Variants in NBEA observed in about 807,000 individuals in gnomAD.
NBEA encodes the protein neurobeachin.
Under a neutral mutation model 343.4 loss-of-function variants are expected in NBEA, and 44 were observed. The observed-to-expected ratio is 0.13, with a 90% confidence interval of 0.10 to 0.16. The LOEUF (loss-of-function observed/expected upper bound fraction) is 0.16. Among genes scored for constraint, NBEA ranks in the 10% least tolerant of loss-of-function variants. NBEA has a pLI of 1.00. For missense variants in NBEA, 2,555 were observed against 3,631.3 expected (o/e 0.70, Z 7.62); for synonymous variants, 1,175 against 1,238.7 (o/e 0.95, Z 1.08).
intron 41 of NBEA, among the ~76,000 whole-genome samples, chr13:35,507,440 G>A (rs567469999): frequency 6.6e-5 from 10 of 151,886 alleles, no homozygotes; most frequent in African/African-American, 2.4e-4. Flanking sequence ...ATATTCAAAT[G>A]CCTACCTGGC....
chr13:35,531,301 A>G (rs915380746), intron 41 of NBEA, among the ~76,000 whole-genome samples: 3 of 152,212 alleles, frequency 2.0e-5, no homozygotes, highest in Admixed American at 6.5e-5. Flanking sequence ...TAGTCTTCCT[A>G]CTATCATAGT....
intron 28 of NBEA, among the ~76,000 whole-genome samples, chr13:35,179,392 T>C (rs1275835177): frequency 6.6e-6 from 1 of 151,586 alleles, no homozygotes; most frequent in Non-Finnish European, 1.5e-5. Context: ...GTCTTCTCAG[T>C]AATAAAATAC....
intron 27 of NBEA, among the ~76,000 whole-genome samples, chr13:35,176,332 C>T (rs1296527115): frequency 1.3e-5 from 2 of 152,004 alleles, no homozygotes; most frequent in Non-Finnish European, 2.9e-5. Flanking sequence ...TTGCATTATA[C>T]ATATTATCTA....
At chr13:35,032,270 G>A (rs936564289) in intron 1 of NBEA, among the ~76,000 whole-genome samples, 14 of 151,792 alleles carry the variant, frequency 9.2e-5, no homozygotes, top group African/African-American at 3.1e-4. Flanking sequence ...CCCACCAACA[G>A]CACATAAGTG....
intron 10 of NBEA, among the ~76,000 whole-genome samples, chr13:35,081,303 T>G (rs532516027): frequency 2.6e-5 from 4 of 152,180 alleles, no homozygotes; most frequent in Non-Finnish European, 4.4e-5. Context: ...GTATTTGTGG[T>G]GAAAATATTG....
intron 33 of NBEA, among the ~76,000 whole-genome samples, chr13:35,230,179 T>C (rs944156940): frequency 6.6e-6 from 1 of 152,100 alleles, no homozygotes; most frequent in African/African-American, 2.4e-5. Flanking sequence ...TCTATTACCC[T>C]TTAGTCAAGA....
At chr13:35,090,059 A>AT (rs1411413746) in intron 10 of NBEA, among the ~76,000 whole-genome samples, 29 of 147,168 alleles carry the variant, frequency 2.0e-4, no homozygotes, top group African/African-American at 5.5e-4. Context: ...TTAAAGTATA[A>AT]TAAAATAAAT....
chr13:35,455,498 A>G (rs1236941135), intron 40 of NBEA, among the ~76,000 whole-genome samples: 1 of 151,910 alleles, frequency 6.6e-6, no homozygotes, highest in Non-Finnish European at 1.5e-5. Context: ...TGATGCTGCT[A>G]TTATAGATTT....
chr13:35,311,028 T>C (rs1401839293), intron 36 of NBEA, among the ~76,000 whole-genome samples: 1 of 152,154 alleles, frequency 6.6e-6, no homozygotes, highest in Non-Finnish European at 1.5e-5. Context: ...CTAATCATGT[T>C]AGCCAGTAGT....
intron 1 of NBEA, among the ~76,000 whole-genome samples, chr13:34,952,034 CT>C (rs2059365491): frequency 6.6e-6 from 1 of 152,090 alleles, no homozygotes; most frequent in African/African-American, 2.4e-5. Flanking sequence ...GATACCATTC[CT>C]GCTTTACATA....
intron 55 of NBEA, among the ~76,000 whole-genome samples, chr13:35,664,433 A>G (rs988266438): frequency 7.9e-5 from 12 of 152,240 alleles, no homozygotes; most frequent in Admixed American, 3.9e-4. Flanking sequence ...CGCAAACAGA[A>G]CAACCTATAT....
chr13:35,335,360 T>C lies in NBEA; in HGVS notation c.5904-13748T>C, dbSNP rs148853203. 5.0e-3 allele frequency among the ~76,000 whole-genome samples: 754 copies of C among 152,296 alleles called. 8 individuals are homozygous for C. The highest frequency in any genetic ancestry group is 0.017 in the African/African-American group (704 of 41,580). On this transcript the variant is annotated intron_variant, in intron 36 of 58. Transcript: ENST00000379939. The stretch of plus-strand genomic sequence containing the variant: ...ATTCCATGTAAATTTGACCATTGGC[T>C]TTTTTCTATTTCTGTGAAGAATGTC...
At chr13:35,066,668 A>G (rs556824210) in intron 8 of NBEA, among the ~76,000 whole-genome samples, 2 of 151,490 alleles carry the variant, frequency 1.3e-5, no homozygotes, top group South Asian at 4.2e-4. Context: ...ATATGTTTTT[A>G]TCTTTGAATA....
chr13:35,469,262 T>A (rs944460781), intron 40 of NBEA, among the ~76,000 whole-genome samples: 6 of 152,164 alleles, frequency 3.9e-5, no homozygotes, highest in African/African-American at 9.7e-5. Context: ...GTTTCTTTTT[T>A]AATATAAAAT....
At chr13:34,976,369 C>A (rs2060174615) in intron 1 of NBEA, among the ~76,000 whole-genome samples, 1 of 152,040 alleles carries the variant, frequency 6.6e-6, no homozygotes, top group Admixed American at 6.6e-5. Context: ...GAGAGCTAAC[C>A]TACGAGGACA....
chr13:35,659,060 C>G (rs1245937470), intron 55 of NBEA, among the ~76,000 whole-genome samples: 1 of 152,148 alleles, frequency 6.6e-6, no homozygotes, highest in Non-Finnish European at 1.5e-5. Flanking sequence ...AGAAGCAGGC[C>G]ATATGTGTTT....
At chr13:35,327,752 G>T (rs936516156) in intron 36 of NBEA, among the ~76,000 whole-genome samples, 1 of 151,786 alleles carries the variant, frequency 6.6e-6, no homozygotes, top group Non-Finnish European at 1.5e-5. Flanking sequence ...TAACGATCCT[G>T]CATCCCCTGA....
intron 16 of NBEA, among the ~76,000 whole-genome samples, chr13:35,120,587 T>C (rs187383796): frequency 1.3e-5 from 2 of 152,344 alleles, no homozygotes; most frequent in Admixed American, 1.3e-4. Flanking sequence ...TCTAGTCTGT[T>C]GTAATTCATA....
At chr13:35,666,931 C>T (rs937549872) in intron 56 of NBEA, among the ~76,000 whole-genome samples, 3 of 152,170 alleles carry the variant, frequency 2.0e-5, no homozygotes, top group Non-Finnish European at 4.4e-5. Context: ...GTAAAATGTA[C>T]TTGACGGCAG....
Sources: gnomAD v4.1 joint callset for allele counts (sites outside exome capture counted in the v4.1 genomes callset) on GRCh38, gnomAD v4.1.1 for gene constraint, MANE v1.5 for transcripts, NCBI Gene and HGNC (gene_info 2026-07-23, HGNC 2026-07-21) for gene names.